The following VWA1 variants were observed in gnomAD, a reference collection of about 807,000 sequenced individuals.
The protein encoded by VWA1 is von Willebrand factor A domain-containing protein 1.
VWA1 carries 12 observed loss-of-function variants against 14.9 expected under a neutral mutation model. The observed-to-expected ratio is 0.80, with a 90% CI of 0.52 to 1.30. The LOEUF is 1.30. Ranked by LOEUF, VWA1 falls within the 50% of genes most tolerant of loss-of-function variation. The pLI is 0.00. For missense variants in VWA1, 800 were observed against 649.1 expected, an observed-to-expected ratio of 1.23 and a Z score of -2.53; for synonymous variants, 368 against 310.7, an observed-to-expected ratio of 1.18 and a Z score of -1.94.
intron 1 of VWA1, 33 bp from the exon 2 acceptor site, chr1:1,436,894 C>G: frequency 6.5e-7 from 1 of 1,538,150 alleles, no homozygotes; most frequent in Non-Finnish European, 8.8e-7. Flanking sequence ...GGGGGGCCCA[C>G]ACCTGAGGCT....
In VWA1 at chr1:1,439,506, GC is replaced by G; in HGVS notation, c.1061del (p.Pro354GlnfsTer48). The part of the protein sequence containing the change: ...ARPRSLRVSW[A>X]PALGSAAALG... The stretch of plus-strand genomic sequence containing the variant: ...GCCGCGCAGCCTCCGCGTGAGTTGG[GC>G]CCCAGCGCTGGGCTCAGCCGCGGCG... On this transcript the variant is annotated frameshift_variant, in exon 3 of 3. Coordinates refer to ENST00000476993, the MANE Select transcript of VWA1 (RefSeq NM_022834.5). LOFTEE classifies it low-confidence loss of function (END_TRUNC). 1 of 1,406,192 alleles carries G rather than the reference GC, an allele frequency of 7.1e-7. No individual in the cohort carries two copies. 87.1% of individuals were successfully genotyped at this position (1,406,192 alleles called of 1,614,324 possible).
chr1:1,439,369 G>C lies in VWA1; in HGVS notation c.920G>C (p.Gly307Ala). The C allele has an allele frequency of 6.6e-7, 1 of 1,517,390 alleles. No individual in the cohort carries two copies. The highest frequency in any genetic ancestry group is 2.1e-5 in the Admixed American group (1 of 48,076). The allele number at this position is 1,517,390 out of a possible 1,614,324, so 94.0% of individuals were successfully genotyped here. A position where few individuals can be genotyped will look rare whatever the true frequency, so the allele number is the denominator to read the frequency against. The change falls in exon 3 of 3, where the codon GGG becomes GCG. Residue 307 changes from glycine to alanine, a missense_variant. Coordinates refer to ENST00000476993, the MANE Select transcript of VWA1 (RefSeq NM_022834.5). ...LRVRTRPGEA[G>A]PGASGPESGA... ...GTGCGCACGCGGCCCGGTGAGGCAG[G>C]GCCGGGGGCTTCGGGCCCGGAGTCG...
chr1:1,439,046 G>T, intron 2 of VWA1, 35 bp from the exon 3 acceptor site: 1 of 1,582,754 alleles, frequency 6.3e-7, no homozygotes, highest in South Asian at 1.1e-5. Context: ...AGGAGGAACT[G>T]ACCGCTGTTC....
At position 1,439,974 on chromosome 1, in the gene VWA1, G is replaced by T; in HGVS notation, c.*187G>T. On this transcript the variant is annotated 3_prime_UTR_variant, in exon 3 of 3. Transcript: ENST00000476993. ...CCCCGCCTGGCGCCTGCCCTCCAGG[G>T]CTGGGGCCTCGCCTGGCGGGACCCC... 1.4e-6 allele frequency: 1 copy of T among 690,054 alleles called. No individual in the cohort carries two copies. The highest frequency in any genetic ancestry group is 1.8e-6 in the Non-Finnish European group (1 of 546,038). The allele number at this position is 690,054 out of a possible 1,614,324, so 42.7% of individuals were successfully genotyped here.
At chr1:1,438,171 G>A (rs977924378) in intron 2 of VWA1, among the ~76,000 whole-genome samples, 3 of 152,226 alleles carry the variant, frequency 2.0e-5, no homozygotes, top group African/African-American at 7.2e-5. Context: ...GTCTCCGTCT[G>A]TGGGTTAATC....
chr1:1,437,168 C>G lies in VWA1; in HGVS notation c.315C>G (p.Ala105=), dbSNP rs1638563157. The change falls in exon 2 of 3, where the codon GCC becomes GCG. Residue 105 remains alanine (A), a synonymous_variant. Transcript: ENST00000476993. ...EAAQDAVRAS[A]QRMGDTHTGL... is the part of the protein sequence containing the mutation. ...CCCAGGATGCGGTGCGTGCTTCTGCCCAGCGCATGGGTGACACCCACACTG... is the reference window on the plus strand; with the variant it reads ...CCCAGGATGCGGTGCGTGCTTCTGCGCAGCGCATGGGTGACACCCACACTG... The G allele has an allele frequency of 2.5e-6, 4 of 1,610,644 alleles. No individual in the cohort carries two copies. Among genetic ancestry groups the G allele is most frequent in the Admixed American group, 1.7e-5 (1 of 59,806 alleles).
chr1:1,439,222 G>T lies in VWA1; in HGVS notation c.773G>T (p.Arg258Leu), dbSNP rs761342920. 4 of 1,607,034 alleles carry T rather than the reference G, an allele frequency of 2.5e-6. No individual in the cohort carries two copies. The highest frequency in any genetic ancestry group is 2.7e-5 in the African/African-American group (2 of 75,012). Residue 258 changes from arginine to leucine, a missense_variant, in exon 3 of 3, where the codon CGC becomes CTC. Arg to Leu is a moderately radical substitution (Grantham distance 102). Transcript: ENST00000476993. ...VPSAQPGAAR[R>L]QQLPGNATDW... ...AGCGCCCAGCCGGGGGCTGCAAGAC[G>T]CCAGCAGCTGCCAGGGAACGCCACG...
intron 2 of VWA1, 30 bp downstream of exon 2, chr1:1,437,514 C>T (rs990381546): frequency 6.4e-7 from 1 of 1,572,134 alleles, no homozygotes; most frequent in Non-Finnish European, 8.6e-7. Flanking sequence ...GCCCAGGGAG[C>T]CCTAGCTGGG....
In VWA1 at chr1:1,435,703, C is replaced by T; in HGVS notation, c.-46C>T. 3 of 1,166,026 alleles carry T rather than the reference C, an allele frequency of 2.6e-6. No homozygotes were observed. The highest frequency in any genetic ancestry group is 2.1e-6 in the Non-Finnish European group (2 of 941,462). 72.2% of individuals were successfully genotyped at this position (1,166,026 alleles called of 1,614,324 possible). A position where few individuals can be genotyped will look rare whatever the true frequency, so the allele number is the denominator to read the frequency against. On this transcript the variant is annotated 5_prime_UTR_variant, in exon 1 of 3. Coordinates refer to ENST00000476993, the MANE Select transcript of VWA1 (RefSeq NM_022834.5). ...GACGCGCCCTGCAGCCCCGAGCGAG[C>T]GAGCGAGCGAGCGAGTTGCCGAGCG...
At chr1:1,436,784 A>G (rs1231372405) in intron 1 of VWA1, 143 bp from the exon 2 acceptor site, 2 of 794,478 alleles carry the variant, frequency 2.5e-6, no homozygotes, top group East Asian at 5.4e-5. Flanking sequence ...TCTTGCTTAG[A>G]GTTCCTCTTT....
In VWA1 at chr1:1,435,763, G is replaced by C. The variant is rs775531942; in HGVS notation, c.15G>C (p.Thr5=). The part of the protein sequence containing the change: MLPW[T]ALGLALSLRL... ...CCTCGCGCGCGATGCTCCCCTGGAC[G>C]GCGCTCGGCCTGGCCCTGAGCTTGC... Residue 5 remains threonine, a synonymous_variant, in exon 1 of 3, where the codon ACG becomes ACC. Transcript: ENST00000476993. The C allele has an allele frequency of 4.1e-6, 5 of 1,223,910 alleles. No individual in the cohort carries two copies. In the South Asian group the frequency reaches 6.2e-5, roughly 15 times the overall value. The allele number at this position is 1,223,910 out of a possible 1,614,324, so 75.8% of individuals were successfully genotyped here.
chr1:1,436,418 G>A lies in VWA1; in HGVS notation c.74-509G>A, dbSNP rs554899559. Among the ~76,000 whole-genome samples, 18 of 152,320 alleles carry A rather than the reference G, an allele frequency of 1.2e-4. 1 individual carries two copies. Among genetic ancestry groups the A allele is most frequent in the African/African-American group, 4.1e-4 (17 of 41,572 alleles). On this transcript the variant is annotated intron_variant, in intron 1 of 2. Coordinates refer to ENST00000476993, the MANE Select transcript of VWA1 (RefSeq NM_022834.5). ...GAGGGGCCACCATCTAGTAAGCGGG[G>A]TCTGGGCTCCAGCCAGGCCATCCGG...
chr1:1,437,071 C>G lies in VWA1; in HGVS notation c.218C>G (p.Ala73Gly). The G allele has an allele frequency of 6.2e-7, 1 of 1,609,184 alleles. No homozygotes were observed. The highest frequency in any genetic ancestry group is 1.1e-5 in the South Asian group (1 of 90,674). Residue 73 changes from alanine (A) to glycine (G), a missense_variant, in exon 2 of 3, where the codon GCC becomes GGC. Coordinates refer to ENST00000476993, the MANE Select transcript of VWA1 (RefSeq NM_022834.5). ...CCCCTGGGCACCGGGGCCCTGCGTG[C>G]CAGTCTGGTGCACGTGGGCAGTCGG... ...PLPLGTGALR[A>G]SLVHVGSRPY... is the part of the protein sequence containing the mutation.
In VWA1 at chr1:1,435,696, G is replaced by C; in HGVS notation, c.-53G>C. ...GCGCGGTGACGCGCCCTGCAGCCCC[G>C]AGCGAGCGAGCGAGCGAGCGAGTTG... On this transcript the variant is annotated 5_prime_UTR_variant, in exon 1 of 3. Transcript: ENST00000476993. 4.6e-6 allele frequency: 5 copies of C among 1,095,244 alleles called. No homozygotes were observed. The highest frequency in any genetic ancestry group is 6.0e-5 in the East Asian group (1 of 16,592). 67.8% of individuals were successfully genotyped at this position (1,095,244 alleles called of 1,614,324 possible).
In VWA1 at chr1:1,436,883, TG is replaced by T. The variant is rs1395032469; in HGVS notation, c.74-38del. 3.3e-6 allele frequency: 5 copies of T among 1,526,036 alleles called. No homozygotes were observed. The African/African-American group carries it at 6.9e-5, about 21-fold the overall frequency. 94.5% of individuals were successfully genotyped at this position (1,526,036 alleles called of 1,614,324 possible). A position where few individuals can be genotyped will look rare whatever the true frequency, so the allele number is the denominator to read the frequency against. ...GACCCTGCCTTGCTGTGGGGCTGTCTGGGGGGCCCACACCTGAGGCTGAGCA... is the reference window on the plus strand; with the variant it reads ...GACCCTGCCTTGCTGTGGGGCTGTCTGGGGGCCCACACCTGAGGCTGAGCA... On this transcript the variant is annotated intron_variant, in intron 1 of 2. Transcript: ENST00000476993.
chr1:1,439,606 A>G lies in VWA1; in HGVS notation c.1157A>G (p.Asn386Ser), dbSNP rs1638617104. ...AQRVEVPAGR[N>S]CTTLQGLAPG... ...CGGGTGGAGGTGCCCGCGGGCCGCA[A>G]CTGCACCACGCTGCAGGGCCTGGCG... Residue 386 changes from asparagine (N) to serine (S), a missense_variant, in exon 3 of 3, where the codon AAC (asparagine) becomes AGC (serine). By Grantham distance (46) the Asn-to-Ser change is conservative. Coordinates refer to ENST00000476993, the MANE Select transcript of VWA1 (RefSeq NM_022834.5). 1 of 1,305,760 alleles carries G rather than the reference A, an allele frequency of 7.7e-7. No individual in the cohort carries two copies. The highest frequency in any genetic ancestry group is 9.7e-7 in the Non-Finnish European group (1 of 1,027,044). 80.9% of individuals were successfully genotyped at this position (1,305,760 alleles called of 1,614,324 possible). A position where few individuals can be genotyped will look rare whatever the true frequency, so the allele number is the denominator to read the frequency against.
At chr1:1,436,852 C>T in intron 1 of VWA1, 75 bp from the exon 2 acceptor site, 1 of 1,476,534 alleles carries the variant, frequency 6.8e-7, no homozygotes, top group Admixed American at 2.2e-5. Context: ...AGCTGGGGCC[C>T]TGGGGGACCC....
At chr1:1,438,395 T>C (rs1194969688) in intron 2 of VWA1, among the ~76,000 whole-genome samples, 1 of 151,770 alleles carries the variant, frequency 6.6e-6, no homozygotes, top group Non-Finnish European at 1.5e-5. Flanking sequence ...TGGGGGCTCC[T>C]GGGAAAGAGG....
rs143842661 is a variant in VWA1, at chr1:1,441,662, C to T, written c.*1875C>T. On this transcript the variant is annotated 3_prime_UTR_variant, in exon 3 of 3. Transcript: ENST00000476993. ...CCTTCGTGCAGCCCCTGCCCCCTAC[C>T]CTGTTCTCCGGAGTGTTGGCAGATC... 6.6e-6 allele frequency: 1 copy of T among 152,418 alleles called. No individual in the cohort carries two copies. The allele number at this position is 152,418 out of a possible 1,614,324, so 9.4% of individuals were successfully genotyped here. A position where few individuals can be genotyped will look rare whatever the true frequency, so the allele number is the denominator to read the frequency against.
Sources: gnomAD v4.1 joint callset for allele counts (sites outside exome capture counted in the v4.1 genomes callset) on GRCh38, gnomAD v4.1.1 for gene constraint, MANE v1.5 for transcripts, NCBI Gene and HGNC (gene_info 2026-07-23, HGNC 2026-07-21) for gene names.